Variants in CPNE3 observed in about 807,000 individuals in gnomAD.
CPNE3 encodes the protein copine 3.
In CPNE3, 68 loss-of-function variants were observed where a neutral mutation model predicts 63.9. The ratio of observed to expected loss-of-function variants is 1.06; its 90% CI spans 0.87 to 1.30. CPNE3 has a LOEUF of 1.30. CPNE3 is among the 50% of genes most tolerant of loss of function. The pLI is 0.00. For synonymous variants in CPNE3, 219 were observed against 197.5 expected, an observed-to-expected ratio of 1.11 and a Z score of -0.91; for missense variants, 665 against 578.1, an observed-to-expected ratio of 1.15 and a Z score of -1.54.
chr8:86,537,966 G>GTCTCACTCTC (rs1465643565), intron 7 of CPNE3, among the ~76,000 whole-genome samples: 2 of 142,868 alleles, frequency 1.4e-5, no homozygotes, highest in African/African-American at 2.5e-5. Context: ...GTCCCTCTCT[G>GTCTCACTCTC]TCTCTCTCTC....
intron 16 of CPNE3, among the ~76,000 whole-genome samples, 177 bp downstream of exon 16, chr8:86,556,515 C>T (rs1462247174): frequency 6.6e-6 from 1 of 152,212 alleles, no homozygotes; most frequent in East Asian, 1.9e-4. Flanking sequence ...TCATTATGTG[C>T]TTCTTGCAGG....
chr8:86,548,976 T>C (rs2131488205), intron 12 of CPNE3, among the ~76,000 whole-genome samples: 1 of 152,308 alleles, frequency 6.6e-6, no homozygotes, highest in East Asian at 1.9e-4. Context: ...GATAACTAGA[T>C]CTAATTGCTA....
In CPNE3 at chr8:86,559,254, A is replaced by C. The variant is rs938295250; in HGVS notation, c.*844A>C. On this transcript the variant is annotated 3_prime_UTR_variant, in exon 17 of 17. Coordinates refer to ENST00000517490, the MANE Select transcript of CPNE3 (RefSeq NM_003909.5). ...TAGATTACTTTAATTGAGATTTGTT[A>C]AAACGGTTAGGACTGTTTTGTCCAG... The C allele has an allele frequency of 4.6e-5, 7 of 152,170 alleles. No homozygotes were observed. Among genetic ancestry groups the C allele is most frequent in the Non-Finnish European group, 1.0e-4 (7 of 68,036 alleles). 9.4% of individuals were successfully genotyped at this position (152,170 alleles called of 1,614,324 possible).
chr8:86,554,969 A>G lies in CPNE3; in HGVS notation c.1239A>G (p.Gln413=), dbSNP rs1563701922. Residue 413 remains glutamine (Q), a synonymous_variant, in exon 15 of 17, where the codon CAA becomes CAG. Coordinates refer to ENST00000517490, the MANE Select transcript of CPNE3 (RefSeq NM_003909.5). The part of the protein sequence containing the change: ...HVARFAAAAT[Q]QQTASQYFVL... ...CCAGGTTTGCTGCTGCAGCCACGCA[A>G]CAGCAGACAGCTTCTGTAAGTGCTC... 4 of 1,614,092 alleles carry G rather than the reference A, an allele frequency of 2.5e-6. No homozygotes were observed. The highest frequency in any genetic ancestry group is 3.4e-6 in the Non-Finnish European group (4 of 1,180,010).
In CPNE3 at chr8:86,558,550, G is replaced by A; in HGVS notation, c.*140G>A. On this transcript the variant is annotated 3_prime_UTR_variant, in exon 17 of 17. Transcript: ENST00000517490. ...TCTCTATGGATTATATCTGTTTAAA[G>A]CATTCTTTCTAGGTTATTTTGGGGG... 2 of 681,402 alleles carry A rather than the reference G, an allele frequency of 2.9e-6. No individual in the cohort carries two copies. The highest frequency in any genetic ancestry group is 5.2e-6 in the Non-Finnish European group (2 of 386,494). 42.2% of individuals were successfully genotyped at this position (681,402 alleles called of 1,614,324 possible).
At position 86,537,796 on chromosome 8, in the gene CPNE3, TC is replaced by T. The variant is rs1586838853; in HGVS notation, c.543+151del. On this transcript the variant is annotated intron_variant, in intron 7 of 16. Transcript: ENST00000517490. ...CAAGATCACCATGTTCATATTTTTT[TC>T]TTTCAATGAGGAGGTGCTACCGTAC... 68 of 615,440 alleles carry T rather than the reference TC, an allele frequency of 1.1e-4. No homozygotes were observed. The East Asian group carries it at 1.9e-3, about 17-fold the overall frequency. The allele number at this position is 615,440 out of a possible 1,614,324, so 38.1% of individuals were successfully genotyped here. A position where few individuals can be genotyped will look rare whatever the true frequency, so the allele number is the denominator to read the frequency against.
chr8:86,533,039 T>A (rs1439976379), intron 6 of CPNE3, among the ~76,000 whole-genome samples: 24 of 150,042 alleles, frequency 1.6e-4, no homozygotes, highest in Admixed American at 1.6e-3. Context: ...TATCTATCTA[T>A]CTATCTATCT....
intron 7 of CPNE3, among the ~76,000 whole-genome samples, chr8:86,537,883 G>A (rs150776266): frequency 2.0e-5 from 3 of 151,646 alleles, no homozygotes; most frequent in African/African-American, 7.3e-5. Flanking sequence ...GTATTCCTCT[G>A]CACCCCTCAC....
At chr8:86,527,527 CCTT>C (rs1216962377) in intron 2 of CPNE3, among the ~76,000 whole-genome samples, 6 of 152,288 alleles carry the variant, frequency 3.9e-5, no homozygotes, top group Admixed American at 3.9e-4. Flanking sequence ...ATGGGCCACA[CCTT>C]CTCTCTGTAG....
At chr8:86,551,878 T>C (rs930422827) in intron 14 of CPNE3, among the ~76,000 whole-genome samples, 2 of 152,210 alleles carry the variant, frequency 1.3e-5, no homozygotes, top group African/African-American at 4.8e-5. Flanking sequence ...AGGCTGGTCT[T>C]GAACTCTTGA....
At chr8:86,539,660 G>GTTTTTTTTTT (rs369540210) in intron 7 of CPNE3, among the ~76,000 whole-genome samples, 1 of 108,152 alleles carries the variant, frequency 9.2e-6, no homozygotes, top group African/African-American at 3.8e-5. Flanking sequence ...ATCCTCCGCA[G>GTTTTTTTTTT]TTTTTTTTTT....
rs1399482097 is a variant in CPNE3, at chr8:86,537,579, C to T, written c.476C>T (p.Ser159Leu). The change falls in exon 7 of 17, where the codon TCA (serine) becomes TTA (leucine). Residue 159 changes from serine (S) to leucine (L), a missense_variant. Coordinates refer to ENST00000517490, the MANE Select transcript of CPNE3 (RefSeq NM_003909.5). ...TAAATGTAGGATCTATTTGGAAAGT[C>T]AGACCCATACCTGGAATTCCACAAG... ...KLDNKDLFGK[S>L]DPYLEFHKQT... The T allele has an allele frequency of 1.2e-6, 2 of 1,604,490 alleles. No individual in the cohort carries two copies.
At position 86,556,212 on chromosome 8, in the gene CPNE3, A is replaced by C. The variant is rs1821323033; in HGVS notation, c.1365A>C (p.Gly455=). Residue 455 remains glycine, a synonymous_variant, in exon 16 of 17, where the codon GGA becomes GGC. Coordinates refer to ENST00000517490, the MANE Select transcript of CPNE3 (RefSeq NM_003909.5). Reference sequence around the variant, plus strand: ...TGCCTATGTCCATCATAATTGTTGGAGTTGGAGGTGCTGACTTCAGCGCCA... The same window carrying C: ...TGCCTATGTCCATCATAATTGTTGGCGTTGGAGGTGCTGACTTCAGCGCCA... ...SRLPMSIIIV[G]VGGADFSAME... 1.1e-6 allele frequency: 1 copy of C among 872,910 alleles called. No homozygotes were observed. Among genetic ancestry groups the C allele is most frequent in the African/African-American group, 1.6e-5 (1 of 61,328 alleles). 54.1% of individuals were successfully genotyped at this position (872,910 alleles called of 1,614,324 possible). A position where few individuals can be genotyped will look rare whatever the true frequency, so the allele number is the denominator to read the frequency against.
At chr8:86,518,808 T>G (rs1334176507) in intron 2 of CPNE3, among the ~76,000 whole-genome samples, 1 of 152,210 alleles carries the variant, frequency 6.6e-6, no homozygotes, top group African/African-American at 2.4e-5. Flanking sequence ...GACCTCACTC[T>G]GCCACCCAGG....
chr8:86,529,244 C>G lies in CPNE3; in HGVS notation c.312+120C>G, dbSNP rs1820615911. ...GAAAAACATGTAATCACTTTAAAGA[C>G]AGTTTATATATTAATATGATTGGCT... On this transcript the variant is annotated intron_variant, in intron 4 of 16. Transcript: ENST00000517490. The G allele has an allele frequency of 5.2e-6, 4 of 765,558 alleles. No homozygotes were observed. The South Asian group carries it at 7.8e-5, about 15-fold the overall frequency. 47.4% of individuals were successfully genotyped at this position (765,558 alleles called of 1,614,324 possible). A position where few individuals can be genotyped will look rare whatever the true frequency, so the allele number is the denominator to read the frequency against.
chr8:86,531,045 C>A, intron 4 of CPNE3, 110 bp from the exon 5 acceptor site: 1 of 658,988 alleles, frequency 1.5e-6, no homozygotes, highest in Non-Finnish European at 2.8e-6. Flanking sequence ...GTTTCTATTT[C>A]TAATGACTTT....
At chr8:86,547,196 T>G (rs1257914249) in intron 10 of CPNE3, 1 of 153,526 alleles carries the variant, frequency 6.5e-6, no homozygotes, top group Admixed American at 6.5e-5. Context: ...TTTGACAACT[T>G]ATTTGCAAAG....
chr8:86,521,994 C>T (rs1052832381), intron 2 of CPNE3, among the ~76,000 whole-genome samples: 4 of 152,002 alleles, frequency 2.6e-5, no homozygotes, highest in African/African-American at 9.7e-5. Flanking sequence ...AAAATCTGTC[C>T]AGTTGTATGG....
intron 4 of CPNE3, among the ~76,000 whole-genome samples, chr8:86,529,834 A>G (rs1820629733): frequency 6.6e-6 from 1 of 151,994 alleles, no homozygotes; most frequent in Non-Finnish European, 1.5e-5. Context: ...AATATGTGAC[A>G]TTTGTCACTC....
Sources: gnomAD v4.1 joint callset for allele counts (sites outside exome capture counted in the v4.1 genomes callset) on GRCh38, gnomAD v4.1.1 for gene constraint, MANE v1.5 for transcripts, NCBI Gene and HGNC (gene_info 2026-07-23, HGNC 2026-07-21) for gene names.